The following L3MBTL4 variants were observed in gnomAD, a reference collection of about 807,000 sequenced individuals.
The protein encoded by L3MBTL4 is L3MBTL histone methyl-lysine binding protein 4.
Under a neutral mutation model 84.5 loss-of-function variants are expected in L3MBTL4, and 70 were observed. The observed-to-expected ratio is 0.83, with a 90% CI of 0.68 to 1.01. The LOEUF is 1.01. L3MBTL4 is among the 50% of genes least tolerant of loss of function. L3MBTL4 has a pLI of 0.00. For synonymous variants in L3MBTL4, 274 were observed against 259.8 expected (o/e 1.05, Z -0.52); for missense variants, 715 against 754.8 (o/e 0.95, Z 0.62).
At chr18:6,073,330 A>G (rs1437945792) in intron 16 of L3MBTL4, among the ~76,000 whole-genome samples, 5 of 152,116 alleles carry the variant, frequency 3.3e-5, no homozygotes, top group Non-Finnish European at 5.9e-5. Flanking sequence ...AATTTAAATG[A>G]AATATACAAA....
chr18:6,166,313 T>A (rs2145111925), intron 13 of L3MBTL4, among the ~76,000 whole-genome samples: 1 of 152,254 alleles, frequency 6.6e-6, no homozygotes, highest in South Asian at 2.1e-4. Flanking sequence ...TGAACTCAGC[T>A]CTGCACCAAG....
intron 14 of L3MBTL4, among the ~76,000 whole-genome samples, chr18:6,101,366 C>T (rs541214895): frequency 3.9e-5 from 6 of 152,218 alleles, no homozygotes; most frequent in East Asian, 1.9e-4. Flanking sequence ...TCCAGGTTTG[C>T]GTGGGAGGAA....
At chr18:6,134,317 C>G (rs1029807114) in intron 14 of L3MBTL4, among the ~76,000 whole-genome samples, 1 of 152,102 alleles carries the variant, frequency 6.6e-6, no homozygotes, top group African/African-American at 2.4e-5. Context: ...GGGACACAGC[C>G]AAACCATATC....
chr18:6,312,380 G>A (rs778556092), intron 1 of L3MBTL4, among the ~76,000 whole-genome samples: 3 of 151,956 alleles, frequency 2.0e-5, no homozygotes, highest in Non-Finnish European at 2.9e-5. Flanking sequence ...CCTGAACAAC[G>A]ACACTCCAAA....
At chr18:6,118,564 TCAGAGAAAAGAAAGGAACATAAAC>T (rs1202992905) in intron 14 of L3MBTL4, among the ~76,000 whole-genome samples, 1 of 152,146 alleles carries the variant, frequency 6.6e-6, no homozygotes, top group East Asian at 1.9e-4. Context: ...GAAAAAAAAC[TCAGAGAAAAGAAAGGAACATAAAC>T]CATTTCCAGG....
rs116503141 is a variant in L3MBTL4 at position 6,163,695 on chromosome 18, G to C, written c.1096+8133C>G. Among the ~76,000 whole-genome samples, 494 of 152,258 alleles carry C rather than the reference G, an allele frequency of 3.2e-3. 2 individuals carry two copies. The highest frequency in any genetic ancestry group is 0.011 in the African/African-American group (460 of 41,554). ...AAACTTCTTAAGAAAAAGTGAATTA[G>C]AGGGTGAAGCCAAGATGGCCAAATA... On this transcript the variant is annotated intron_variant, in intron 13 of 18. Transcript: ENST00000317931.
chr18:6,352,492 C>G (rs2053244771), intron 1 of L3MBTL4, among the ~76,000 whole-genome samples: 1 of 152,156 alleles, frequency 6.6e-6, no homozygotes. Context: ...ATCACATGCT[C>G]TATCTTCTGA....
intron 14 of L3MBTL4, among the ~76,000 whole-genome samples, chr18:6,102,491 C>G (rs1048144049): frequency 1.3e-5 from 2 of 152,206 alleles, no homozygotes; most frequent in African/African-American, 4.8e-5. Flanking sequence ...ATTAATCAAG[C>G]CTTTCTCACA....
chr18:6,078,809 T>C (rs1487655413), intron 16 of L3MBTL4, among the ~76,000 whole-genome samples: 3 of 152,206 alleles, frequency 2.0e-5, no homozygotes, highest in Non-Finnish European at 2.9e-5. Flanking sequence ...GAAATAATTA[T>C]GTAACTCACC....
intron 1 of L3MBTL4, among the ~76,000 whole-genome samples, chr18:6,371,256 G>A (rs2054149347): frequency 6.6e-6 from 1 of 152,202 alleles, no homozygotes; most frequent in South Asian, 2.1e-4. Flanking sequence ...CCACCCCCTG[G>A]CTTACACCTG....
At chr18:6,031,235 T>G (rs1162249400) in intron 16 of L3MBTL4, 1 of 985,300 alleles carries the variant, frequency 1.0e-6, no homozygotes, top group East Asian at 1.1e-4. Context: ...CAAAGGGGAT[T>G]TTGTGAGCTG....
chr18:6,037,466 C>T (rs1177042148), intron 16 of L3MBTL4, among the ~76,000 whole-genome samples: 1 of 152,196 alleles, frequency 6.6e-6, no homozygotes, highest in Non-Finnish European at 1.5e-5. Context: ...CTAGTGATTC[C>T]TACTCCAGTA....
intron 11 of L3MBTL4, among the ~76,000 whole-genome samples, chr18:6,214,338 A>G (rs977680125): frequency 1.3e-5 from 2 of 152,200 alleles, no homozygotes; most frequent in African/African-American, 4.8e-5. Flanking sequence ...GGAGTAAGAA[A>G]AAAGACACTG....
At chr18:6,171,986 T>C in intron 12 of L3MBTL4, 44 bp from the exon 13 acceptor site, 1 of 919,962 alleles carries the variant, frequency 1.1e-6, no homozygotes, top group Non-Finnish European at 1.7e-6. Context: ...GTAATTAGGA[T>C]TTCACTATTC....
intron 16 of L3MBTL4, among the ~76,000 whole-genome samples, chr18:5,988,444 A>G (rs1205319305): frequency 6.6e-6 from 1 of 152,212 alleles, no homozygotes; most frequent in African/African-American, 2.4e-5. Flanking sequence ...TGTAAATTAT[A>G]TTTAGCTTAA....
At chr18:6,239,440 C>T (rs1377394211) in intron 9 of L3MBTL4, among the ~76,000 whole-genome samples, 1 of 149,716 alleles carries the variant, frequency 6.7e-6, no homozygotes, top group Non-Finnish European at 1.5e-5. Context: ...CACAGAAATG[C>T]TGTCCTCACA....
chr18:6,383,755 C>T (rs1047322257), intron 1 of L3MBTL4, among the ~76,000 whole-genome samples: 1 of 152,206 alleles, frequency 6.6e-6, no homozygotes, highest in African/African-American at 2.4e-5. Context: ...TGTTCCTATT[C>T]AGCCATCTTG....
At chr18:6,331,656 C>A (rs1262499394) in intron 1 of L3MBTL4, among the ~76,000 whole-genome samples, 1 of 151,838 alleles carries the variant, frequency 6.6e-6, no homozygotes, top group Non-Finnish European at 1.5e-5. Flanking sequence ...TGAGGAAATA[C>A]GTGACAAAAC....
chr18:6,038,600 A>AAGAC (rs2056258618), intron 16 of L3MBTL4, among the ~76,000 whole-genome samples: 1 of 152,084 alleles, frequency 6.6e-6, no homozygotes, highest in African/African-American at 2.4e-5. Context: ...ATCCTAGTAA[A>AAGAC]AGACAGCAAC....
Sources: gnomAD v4.1 joint callset for allele counts (sites outside exome capture counted in the v4.1 genomes callset) on GRCh38, gnomAD v4.1.1 for gene constraint, MANE v1.5 for transcripts, NCBI Gene and HGNC (gene_info 2026-07-23, HGNC 2026-07-21) for gene names.